SLC16A4: variants seen among roughly 807,000 people sequenced by gnomAD.
SLC16A4 encodes the protein probable monocarboxylate transporter 5.
SLC16A4 carries 39 observed loss-of-function variants against 47.9 expected under a neutral mutation model. The observed-to-expected ratio is 0.81, with a 90% CI of 0.63 to 1.06. The LOEUF is 1.06. SLC16A4 is among the 50% of genes least tolerant of loss of function. SLC16A4 has a pLI of 0.00. For synonymous variants in SLC16A4, 189 were observed against 199.9 expected, an observed-to-expected ratio of 0.95 and a Z score of 0.46; for missense variants, 524 against 573.8, an observed-to-expected ratio of 0.91 and a Z score of 0.89.
chr1:110,382,994 T>C (rs767739578), intron 2 of SLC16A4, 28 bp from the exon 3 acceptor site: 1 of 1,564,794 alleles, frequency 6.4e-7, no homozygotes, highest in Non-Finnish European at 8.7e-7. Context: ...AGAGTCCAAC[T>C]CAGGTGGTAA....
Position 110,382,958 on chromosome 1 carries a change from C to A in SLC16A4, c.96G>T (p.Val32=). The A allele has an allele frequency of 6.2e-7, 1 of 1,608,568 alleles. No individual in the cohort carries two copies. ...AAGTCTTGGTCATCCCCATCACAAA[C>A]ACATTCACCTAAATCAAAGCAGACC... is the stretch of plus-strand genomic sequence containing the variant. ...MIVIHFFLVN[V]FVMGMTKTFA... Residue 32 remains valine, a synonymous_variant, in exon 3 of 9, where the codon GTG becomes GTT. Transcript: ENST00000369779.
intron 8 of SLC16A4, among the ~76,000 whole-genome samples, chr1:110,365,955 T>C (rs1015339062): frequency 2.6e-5 from 4 of 152,130 alleles, no homozygotes; most frequent in African/African-American, 9.7e-5. Context: ...TCTTTTCTTT[T>C]CTTTTTTTAA....
chr1:110,382,930 C>T lies in SLC16A4; in HGVS notation c.124G>A (p.Ala42Thr), dbSNP rs145655061. ...VFVMGMTKTF[A>T]IFFVVFQEEF... Reference sequence around the variant, plus strand: ...TCTTGAAAGACCACAAAGAAAATTGCAAAAGTCTTGGTCATCCCCATCACA... The same window carrying T: ...TCTTGAAAGACCACAAAGAAAATTGTAAAAGTCTTGGTCATCCCCATCACA... Residue 42 changes from alanine (A) to threonine (T), a missense_variant, in exon 3 of 9, where the codon GCA (alanine) becomes ACA (threonine). Ala to Thr is a moderately conservative substitution (Grantham distance 58). Coordinates refer to ENST00000369779, the MANE Select transcript of SLC16A4 (RefSeq NM_004696.3). 11 of 1,612,080 alleles carry T rather than the reference C, an allele frequency of 6.8e-6. No individual in the cohort carries two copies. In the Admixed American group the frequency reaches 1.5e-4, roughly 22 times the overall value.
At chr1:110,380,448 T>G (rs1361027429) in intron 5 of SLC16A4, among the ~76,000 whole-genome samples, 1 of 152,198 alleles carries the variant, frequency 6.6e-6, no homozygotes, top group East Asian at 1.9e-4. Flanking sequence ...AGTTGAATCA[T>G]TTTTTATTCA....
rs996992026 is a variant in SLC16A4, at chr1:110,369,315, C to T, written c.1337-5422G>A. ...TATTGGTCATCTTATTGAAACTTAA[C>T]ATGGCCGGGTGCAGTGGCTCACACC... On this transcript the variant is annotated intron_variant, in intron 8 of 8. Coordinates refer to ENST00000369779, the MANE Select transcript of SLC16A4 (RefSeq NM_004696.3). Among the ~76,000 whole-genome samples the T allele has an allele frequency of 6.6e-5, 10 of 151,280 alleles. 1 individual carries two copies. The highest frequency in any genetic ancestry group is 4.6e-4 in the Admixed American group (7 of 15,160).
At chr1:110,375,412 C>CT in intron 8 of SLC16A4, 46 bp downstream of exon 8, 1 of 1,075,940 alleles carries the variant, frequency 9.3e-7, no homozygotes, top group Non-Finnish European at 1.4e-6. Flanking sequence ...CAGTTTTTCT[C>CT]TTTTATTGCT....
chr1:110,384,862 A>G (rs1306301408), intron 2 of SLC16A4, among the ~76,000 whole-genome samples: 1 of 152,168 alleles, frequency 6.6e-6, no homozygotes, highest in Non-Finnish European at 1.5e-5. Flanking sequence ...AGTACAAAAA[A>G]TTAGCTGGGC....
Position 110,379,062 on chromosome 1 carries a change from T to G in SLC16A4, c.821A>C (p.Lys274Thr). ...NGPNRNRLLL[K>T]SDEESDKVIS... The stretch of plus-strand genomic sequence containing the variant: ...AACCTTATCACTTTCTTCATCACTC[T>G]TTAATAACAGTCTGTTCCTGTTAGG... The change falls in exon 6 of 9, where the codon AAG becomes ACG. Residue 274 changes from lysine to threonine, a missense_variant. By Grantham distance (78) the Lys-to-Thr change is moderately conservative (BLOSUM62 -1). Transcript: ENST00000369779. 6.2e-7 allele frequency: 1 copy of G among 1,614,248 alleles called. No homozygotes were observed. The highest frequency in any genetic ancestry group is 1.1e-5 in the South Asian group (1 of 91,084).
chr1:110,376,586 T>G (rs541433827), intron 7 of SLC16A4, among the ~76,000 whole-genome samples: 2 of 152,338 alleles, frequency 1.3e-5, no homozygotes, highest in African/African-American at 4.8e-5. Flanking sequence ...TTTTTTCTCT[T>G]GAAGTGTTCT....
intron 8 of SLC16A4, chr1:110,370,461 G>A (rs1363886514): frequency 6.6e-6 from 1 of 152,160 alleles, no homozygotes; most frequent in Non-Finnish European, 1.5e-5. Flanking sequence ...GTTTAATACT[G>A]TATCTGAAAT....
At chr1:110,374,322 T>G (rs1661863115) in intron 8 of SLC16A4, among the ~76,000 whole-genome samples, 1 of 152,264 alleles carries the variant, frequency 6.6e-6, no homozygotes, top group Admixed American at 6.5e-5. Context: ...ATTACAGGCA[T>G]GAGCCACTGC....
rs745361798 is a variant in SLC16A4, at chr1:110,379,258, T to C, written c.625A>G (p.Lys209Glu). The C allele has an allele frequency of 6.2e-6, 10 of 1,614,088 alleles. No homozygotes were observed. In the Admixed American group the frequency reaches 1.7e-4, roughly 27 times the overall value. Residue 209 changes from lysine to glutamate, a missense_variant, in exon 6 of 9, where the codon AAA becomes GAA. Coordinates refer to ENST00000369779, the MANE Select transcript of SLC16A4 (RefSeq NM_004696.3). Reference sequence around the variant, plus strand: ...GCAGACAAACTGCTGCCTTTATCTTTAATACCAGAATTGTTCTCACTTTTG... The same window carrying C: ...GCAGACAAACTGCTGCCTTTATCTTCAATACCAGAATTGTTCTCACTTTTG... ...HIKSENNSGI[K>E]DKGSSLSAHG...
intron 8 of SLC16A4, chr1:110,371,028 C>G (rs1661659010): frequency 6.6e-6 from 1 of 152,140 alleles, no homozygotes; most frequent in Non-Finnish European, 1.5e-5. Flanking sequence ...TGTTTCACGA[C>G]CTGGTGAGTC....
In SLC16A4 at chr1:110,363,590, C is replaced by T. The variant is rs969596250; in HGVS notation, c.*176G>A. 5 of 476,798 alleles carry T rather than the reference C, an allele frequency of 1.0e-5. No homozygotes were observed. The highest frequency in any genetic ancestry group is 6.1e-5 in the South Asian group (2 of 32,662). 29.5% of individuals were successfully genotyped at this position (476,798 alleles called of 1,614,324 possible). On this transcript the variant is annotated 3_prime_UTR_variant, in exon 9 of 9. Coordinates refer to ENST00000369779, the MANE Select transcript of SLC16A4 (RefSeq NM_004696.3). Reference sequence around the variant, plus strand: ...ACAGTGAGCCGAGATTGCGCCACTGCACTCCAGCCTGGGCGAAAGAGCGAG... The same window carrying T: ...ACAGTGAGCCGAGATTGCGCCACTGTACTCCAGCCTGGGCGAAAGAGCGAG...
intron 4 of SLC16A4, among the ~76,000 whole-genome samples, chr1:110,381,402 G>A (rs535921878): frequency 6.6e-6 from 1 of 152,164 alleles, no homozygotes; most frequent in African/African-American, 2.4e-5. Context: ...GCTCACAACA[G>A]CCTCAGCTTC....
intron 4 of SLC16A4, among the ~76,000 whole-genome samples, chr1:110,381,385 A>G (rs1320328368): frequency 6.6e-6 from 1 of 152,196 alleles, no homozygotes; most frequent in Non-Finnish European, 1.5e-5. Flanking sequence ...GCAGTGGCAC[A>G]ATCTCGGCTC....
intron 2 of SLC16A4, 39 bp from the exon 3 acceptor site, chr1:110,383,005 G>A (rs750668790): frequency 6.5e-7 from 1 of 1,544,236 alleles, no homozygotes; most frequent in Admixed American, 1.9e-5. Flanking sequence ...CAGGTGGTAA[G>A]TGAGCCATTA....
chr1:110,376,329 G>T (rs1255562498), intron 7 of SLC16A4, among the ~76,000 whole-genome samples: 2 of 152,160 alleles, frequency 1.3e-5, no homozygotes, highest in African/African-American at 4.8e-5. Context: ...AATATTGATA[G>T]AACAGAAGTT....
At chr1:110,370,227 A>T (rs1285076263) in intron 8 of SLC16A4, 1 of 152,200 alleles carries the variant, frequency 6.6e-6, no homozygotes, top group Non-Finnish European at 1.5e-5. Context: ...GATACATAAA[A>T]TATTTACTTT....
Sources: gnomAD v4.1 joint callset for allele counts (sites outside exome capture counted in the v4.1 genomes callset) on GRCh38, gnomAD v4.1.1 for gene constraint, MANE v1.5 for transcripts, NCBI Gene and HGNC (gene_info 2026-07-23, HGNC 2026-07-21) for gene names.